Variants in VILL observed in about 807,000 individuals in gnomAD.
VILL encodes the protein villin-like protein.
Under a neutral mutation model 106.3 loss-of-function variants are expected in VILL, and 102 were observed. The observed-to-expected ratio is 0.96, with a 90% CI of 0.82 to 1.13. The LOEUF is 1.13. Ranked by LOEUF, VILL falls within the 50% of genes most tolerant of loss-of-function variation. The probability of loss-of-function intolerance (pLI) is 0.00; values close to 1 mark genes in which losing one functional copy is unlikely to be tolerated. For synonymous variants in VILL, 431 were observed against 440.3 expected (o/e 0.98, Z 0.27); for missense variants, 1,076 against 1,116.6 (o/e 0.96, Z 0.52).
chr3:37,997,825 G>A lies in VILL; in HGVS notation c.764+140G>A, dbSNP rs1699733615. 3.0e-6 allele frequency: 3 copies of A among 1,004,446 alleles called. No individual in the cohort carries two copies. Among genetic ancestry groups the A allele is most frequent in the Middle Eastern group, 3.1e-4 (1 of 3,244 alleles). 62.2% of individuals were successfully genotyped at this position (1,004,446 alleles called of 1,614,324 possible). On this transcript the variant is annotated intron_variant, in intron 7 of 19. Coordinates refer to ENST00000383759, the MANE Select transcript of VILL (RefSeq NM_015873.4). This position sits in a 1 kb window ranked among gnomAD's most constrained non-coding sequence, Gnocchi z 4.7. Reference sequence around the variant, plus strand: ...CTGGGACAGGTCATGTGGACCGTGGGTCCAGCCTGTACTCTTCCATGGCAT... The same window carrying A: ...CTGGGACAGGTCATGTGGACCGTGGATCCAGCCTGTACTCTTCCATGGCAT...
chr3:37,994,170 C>T (rs780858927), intron 3 of VILL, 91 bp from the exon 4 acceptor site: 3 of 1,483,186 alleles, frequency 2.0e-6, no homozygotes, highest in Non-Finnish European at 2.7e-6. Flanking sequence ...CCCTGCCTAG[C>T]GTCTCCCCAT....
chr3:38,002,133 C>T (rs922432109), intron 13 of VILL: 8 of 644,954 alleles, frequency 1.2e-5, no homozygotes, highest in African/African-American at 1.1e-4. Context: ...CCACTTTCCA[C>T]CTCCAAGGCC....
At position 37,994,011 on chromosome 3, in the gene VILL, T is replaced by C. The variant is rs375550917; in HGVS notation, c.135+39T>C. ...GGAAGTCTGCCTGAGAGGGGTGGCA[T>C]GGCCCGGCACTGGGGAGACTGAGGC... On this transcript the variant is annotated intron_variant, in intron 3 of 19. Coordinates refer to ENST00000383759, the MANE Select transcript of VILL (RefSeq NM_015873.4). The C allele has an allele frequency of 5.0e-4, 813 of 1,611,472 alleles. 15 individuals are homozygous for C. In the Middle Eastern group the frequency reaches 5.9e-3, roughly 12 times the overall value.
At position 37,995,911 on chromosome 3, in the gene VILL, A is replaced by C. The variant is rs1247728885; in HGVS notation, c.450+64A>C. On this transcript the variant is annotated intron_variant, in intron 5 of 19. Transcript: ENST00000383759. ...GCTCAGACTGGGTGTACTGAGGTAT[A>C]AGGAGGTTGGAAATTGGCTGGGGTT... 4 of 1,404,014 alleles carry C rather than the reference A, an allele frequency of 2.8e-6. No homozygotes were observed. The African/African-American group carries it at 4.2e-5, about 15-fold the overall frequency. The allele number at this position is 1,404,014 out of a possible 1,614,324, so 87.0% of individuals were successfully genotyped here.
Position 38,007,024 on chromosome 3 carries a change from G to A in VILL, c.2540G>A (p.Arg847Gln), listed in dbSNP as rs141436278. ...EFYSMATWRQ[R>Q]QEKKQLGFF ...TACAGCATGGCCACGTGGAGGCAGC[G>A]GCAGGAGAAAAAGCAGCTGGGCTTC... The change falls in exon 20 of 20, where the codon CGG becomes CAG. Residue 847 changes from arginine (R) to glutamine (Q), a missense_variant. Transcript: ENST00000383759. 42 of 1,614,076 alleles carry A rather than the reference G, an allele frequency of 2.6e-5. No homozygotes were observed. Among genetic ancestry groups the A allele is most frequent in the Middle Eastern group, 1.7e-4 (1 of 6,060 alleles).
At position 38,002,505 on chromosome 3, in the gene VILL, C is replaced by A. The variant is rs778454611; in HGVS notation, c.1589C>A (p.Ala530Asp). The change falls in exon 14 of 20, where the codon GCC becomes GAC. Residue 530 changes from alanine to aspartate, a missense_variant. By Grantham distance (126) the Ala-to-Asp change is moderately radical. Coordinates refer to ENST00000383759, the MANE Select transcript of VILL (RefSeq NM_015873.4). ...NTRTMEVPAR[A>D]SSLNSSDIFL... ...AGGACCATGGAGGTGCCAGCCCGTG[C>A]CTCATCCCTCAACTCCAGTGACATC... The A allele has an allele frequency of 1.9e-6, 3 of 1,614,222 alleles. No individual in the cohort carries two copies. Among genetic ancestry groups the A allele is most frequent in the Non-Finnish European group, 1.7e-6 (2 of 1,180,024 alleles).
chr3:38,006,443 G>T lies in VILL; in HGVS notation c.2206-6G>T, dbSNP rs1160152155. 4 of 1,594,488 alleles carry T rather than the reference G, an allele frequency of 2.5e-6. No individual in the cohort carries two copies. Among genetic ancestry groups the T allele is most frequent in the Non-Finnish European group, 3.4e-6 (4 of 1,167,128 alleles). ...CTTCCCCAGCCTGAGGCTCCTCTCT[G>T]GACAGGAAGTCAACAACTTGCGGCT... On this transcript the variant is annotated splice_region_variant and splice_polypyrimidine_tract_variant and intron_variant, in intron 18 of 19. Transcript: ENST00000383759.
Position 37,998,977 on chromosome 3 carries a change from G to C in VILL, c.1008G>C (p.Glu336Asp). ...TNVEVVNDGAESAAFKQLFRT... is the reference protein window; with the variant it reads ...TNVEVVNDGADSAAFKQLFRT... ...TGGAGGTGGTGAACGACGGCGCCGAGTCGGCCGCGTTCAAGCAGCTCTTCC... is the reference window on the plus strand; with the variant it reads ...TGGAGGTGGTGAACGACGGCGCCGACTCGGCCGCGTTCAAGCAGCTCTTCC... The change falls in exon 10 of 20, where the codon GAG becomes GAC. Residue 336 changes from glutamate to aspartate, a missense_variant. By Grantham distance (45) the Glu-to-Asp change is conservative (BLOSUM62 2). Transcript: ENST00000383759. The surrounding 1 kb of genome is among the most constrained non-coding windows in gnomAD (Gnocchi z 4.1). The C allele has an allele frequency of 1.2e-6, 2 of 1,610,624 alleles. No homozygotes were observed. The highest frequency in any genetic ancestry group is 1.7e-6 in the Non-Finnish European group (2 of 1,178,634).
Position 37,997,991 on chromosome 3 carries a change from C to T in VILL, c.765-99C>T. The T allele has an allele frequency of 7.9e-7, 1 of 1,264,364 alleles. No individual in the cohort carries two copies. Among genetic ancestry groups the T allele is most frequent in the Non-Finnish European group, 1.1e-6 (1 of 917,484 alleles). 78.3% of individuals were successfully genotyped at this position (1,264,364 alleles called of 1,614,324 possible). A position where few individuals can be genotyped will look rare whatever the true frequency, so the allele number is the denominator to read the frequency against. ...CTCGGGGCCCCAGCCCCCATGCCTTCTGTCTCTGAGGGACTGGGGTGGGGT... is the reference window on the plus strand; with the variant it reads ...CTCGGGGCCCCAGCCCCCATGCCTTTTGTCTCTGAGGGACTGGGGTGGGGT... On this transcript the variant is annotated intron_variant, in intron 7 of 19. Coordinates refer to ENST00000383759, the MANE Select transcript of VILL (RefSeq NM_015873.4). The surrounding 1 kb of genome is among the most constrained non-coding windows in gnomAD (Gnocchi z 4.7).
At chr3:37,991,446 G>A (rs936079027) in intron 1 of VILL, among the ~76,000 whole-genome samples, 1 of 151,460 alleles carries the variant, frequency 6.6e-6, no homozygotes, top group Admixed American at 6.6e-5. Context: ...AAAGGAGGAG[G>A]TGCCTGGGGA....
At position 37,999,066 on chromosome 3, in the gene VILL, G is replaced by GAGC. The variant is rs773894881; in HGVS notation, c.1081+16_1081+17insAGC. 7.5e-6 allele frequency: 10 copies of GAGC among 1,335,380 alleles called. No homozygotes were observed. Among genetic ancestry groups the GAGC allele is most frequent in the Non-Finnish European group, 9.0e-6 (9 of 1,000,048 alleles). The allele number at this position is 1,335,380 out of a possible 1,614,324, so 82.7% of individuals were successfully genotyped here. ...GGCGGGAGGGGTGAGCGGGCGGGGC[G>GAGC]GGGCTGACGGGGGCGGGGCGGGACT... On this transcript the variant is annotated intron_variant, in intron 10 of 19. Transcript: ENST00000383759.
chr3:37,997,317 C>T lies in VILL; in HGVS notation c.561+130C>T, dbSNP rs1428888022. 13 of 1,184,328 alleles carry T rather than the reference C, an allele frequency of 1.1e-5. No individual in the cohort carries two copies. Among genetic ancestry groups the T allele is most frequent in the Non-Finnish European group, 1.6e-5 (13 of 827,580 alleles). 73.4% of individuals were successfully genotyped at this position (1,184,328 alleles called of 1,614,324 possible). On this transcript the variant is annotated intron_variant, in intron 6 of 19. Transcript: ENST00000383759. The surrounding 1 kb of genome is among the most constrained non-coding windows in gnomAD (Gnocchi z 4.7). The stretch of plus-strand genomic sequence containing the variant: ...CAACCCAAGAAACGCCTATGAGTTA[C>T]AAGCTGAGTTCAGACCCTGCATTGT...
In VILL at chr3:37,993,823, C is replaced by A; in HGVS notation, c.61-75C>A. The A allele has an allele frequency of 1.9e-6, 3 of 1,607,538 alleles. No individual in the cohort carries two copies. The South Asian group carries it at 3.3e-5, about 18-fold the overall frequency. On this transcript the variant is annotated intron_variant, in intron 2 of 19. Coordinates refer to ENST00000383759, the MANE Select transcript of VILL (RefSeq NM_015873.4). ...TTCTCCCGCCCCCAACTCAGAGCGT[C>A]CTCTTCCACCCCACCCCAGCGGGTG...
chr3:37,997,324 A>T lies in VILL; in HGVS notation c.561+137A>T, dbSNP rs146736689. ...AGAAACGCCTATGAGTTACAAGCTG[A>T]GTTCAGACCCTGCATTGTTGGTGTC... On this transcript the variant is annotated intron_variant, in intron 6 of 19. Coordinates refer to ENST00000383759, the MANE Select transcript of VILL (RefSeq NM_015873.4). The surrounding 1 kb of genome is among the most constrained non-coding windows in gnomAD (Gnocchi z 4.7). 8.6e-7 allele frequency: 1 copy of T among 1,161,194 alleles called. No individual in the cohort carries two copies. Among genetic ancestry groups the T allele is most frequent in the African/African-American group, 1.5e-5 (1 of 65,488 alleles). 71.9% of individuals were successfully genotyped at this position (1,161,194 alleles called of 1,614,324 possible).
Position 37,999,281 on chromosome 3 carries a change from G to A in VILL, c.1082-58G>A, listed in dbSNP as rs1455249045. On this transcript the variant is annotated intron_variant, in intron 10 of 19. Transcript: ENST00000383759. ...GGGATGGTTGAGGAGTGGGCGGGGC[G>A]GAGATGGTGTTGGGGGGGGGCAGAG... 4.4e-6 allele frequency: 6 copies of A among 1,358,168 alleles called. No individual in the cohort carries two copies. The East Asian group carries it at 1.3e-4, about 29-fold the overall frequency. 84.1% of individuals were successfully genotyped at this position (1,358,168 alleles called of 1,614,324 possible).
At chr3:38,001,618 A>C in intron 12 of VILL, 25 bp downstream of exon 12, 1 of 1,613,688 alleles carries the variant, frequency 6.2e-7, no homozygotes, top group Non-Finnish European at 8.5e-7. Context: ...GGGAGGCAGC[A>C]CTCACCTTAA....
At chr3:38,002,695 A>T in intron 14 of VILL, 120 bp downstream of exon 14, 1 of 1,189,278 alleles carries the variant, frequency 8.4e-7, no homozygotes, top group African/African-American at 1.5e-5. Flanking sequence ...GATGGGGGGA[A>T]TGGGGAGGGG....
Position 37,999,404 on chromosome 3 carries a change from C to A in VILL, c.1147C>A (p.Leu383Ile). ...CACCCAGCCTAAGTTAGCGGCCCAG[C>A]TCAGGATGGTGGACGACGGCTCTGG... ...LHTQPKLAAQ[L>I]RMVDDGSGKV... Residue 383 changes from leucine to isoleucine, a missense_variant, in exon 11 of 20, where the codon CTC becomes ATC. Coordinates refer to ENST00000383759, the MANE Select transcript of VILL (RefSeq NM_015873.4). 6.7e-7 allele frequency: 1 copy of A among 1,494,468 alleles called. No individual in the cohort carries two copies. The highest frequency in any genetic ancestry group is 8.9e-7 in the Non-Finnish European group (1 of 1,125,536). The allele number at this position is 1,494,468 out of a possible 1,614,324, so 92.6% of individuals were successfully genotyped here. A position where few individuals can be genotyped will look rare whatever the true frequency, so the allele number is the denominator to read the frequency against.
At chr3:38,001,083 G>T (rs1162774279) in intron 11 of VILL, 1 of 491,690 alleles carries the variant, frequency 2.0e-6, no homozygotes, top group East Asian at 5.3e-5. Flanking sequence ...TCATTCAAGA[G>T]CTCCAAGGCT....
Sources: allele counts gnomAD v4.1 joint callset (sites outside exome capture counted in the v4.1 genomes callset), GRCh38; gene constraint gnomAD v4.1.1; non-coding constraint Gnocchi (gnomAD v3.1); transcripts MANE v1.5; gene names NCBI Gene and HGNC (gene_info 2026-07-23, HGNC 2026-07-21).